The following TNNI3K variants were observed in gnomAD, a reference collection of about 807,000 sequenced individuals.
The protein encoded by TNNI3K is serine/threonine-protein kinase TNNI3K.
In TNNI3K, 140 loss-of-function variants were observed where a neutral mutation model predicts 114.5. The ratio of observed to expected loss-of-function variants is 1.22; its 90% CI spans 1.07 to 1.41. The LOEUF is 1.41. Ranked by LOEUF, TNNI3K falls within the 40% of genes most tolerant of loss-of-function variation. The probability of loss-of-function intolerance (pLI) is 0.00; values close to 1 mark genes in which losing one functional copy is unlikely to be tolerated. For missense variants in TNNI3K, 1,125 were observed against 1,007.6 expected, an observed-to-expected ratio of 1.12 and a Z score of -1.58; for synonymous variants, 347 against 347.5, an observed-to-expected ratio of 1.00 and a Z score of 0.02.
chr1:74,450,576 A>T (rs910030379), intron 20 of TNNI3K, among the ~76,000 whole-genome samples: 1 of 152,200 alleles, frequency 6.6e-6, no homozygotes, highest in East Asian at 1.9e-4. Flanking sequence ...CCCATTAAAA[A>T]GTGGGCAAAG....
intron 11 of TNNI3K, among the ~76,000 whole-genome samples, chr1:74,363,933 C>A (rs1307157902): frequency 7.1e-6 from 1 of 140,606 alleles, no homozygotes; most frequent in African/African-American, 2.6e-5. Context: ...TAAAAAAAAA[C>A]CTTAGAATCT....
At chr1:74,424,419 A>G (rs1450678123) in intron 17 of TNNI3K, among the ~76,000 whole-genome samples, 4 of 152,054 alleles carry the variant, frequency 2.6e-5, no homozygotes, top group Non-Finnish European at 5.9e-5. Flanking sequence ...TATTGATTAT[A>G]AAGAAGAGAG....
chr1:74,512,372 C>G (rs1233576930), intron 23 of TNNI3K, among the ~76,000 whole-genome samples: 1 of 152,194 alleles, frequency 6.6e-6, no homozygotes, highest in Non-Finnish European at 1.5e-5. Context: ...TGGCACTCAA[C>G]TATTCCTGCA....
Position 74,411,157 on chromosome 1 carries a change from A to G in TNNI3K, c.1773-24923A>G, listed in dbSNP as rs77960305. ...CAGCTCCCAGGCTTTTATGATGTCT[A>G]TATACTGTAGATTTTTATATTTGAA... On this transcript the variant is annotated intron_variant, in intron 17 of 24. Transcript: ENST00000326637. Among the ~76,000 whole-genome samples, 1,196 of 152,268 alleles carry G rather than the reference A, an allele frequency of 7.9e-3. 18 individuals carry two copies. Among genetic ancestry groups the G allele is most frequent in the African/African-American group, 0.028 (1,154 of 41,564 alleles).
intron 23 of TNNI3K, among the ~76,000 whole-genome samples, chr1:74,538,109 A>G (rs926062189): frequency 2.0e-5 from 3 of 152,140 alleles, no homozygotes; most frequent in Admixed American, 6.6e-5. Flanking sequence ...ATAAATAGGC[A>G]TATTCAAGCA....
At chr1:74,261,997 C>T (rs980193218) in intron 4 of TNNI3K, among the ~76,000 whole-genome samples, 1 of 152,104 alleles carries the variant, frequency 6.6e-6, no homozygotes, top group African/African-American at 2.4e-5. Context: ...TCAGAAAACT[C>T]TGACTTTTCT....
At chr1:74,440,080 G>A (rs1013922017) in intron 20 of TNNI3K, among the ~76,000 whole-genome samples, 2 of 151,812 alleles carry the variant, frequency 1.3e-5, no homozygotes, top group African/African-American at 4.8e-5. Context: ...TTTTCCTAAC[G>A]TTTTTGTATT....
chr1:74,511,762 C>T (rs1375735532), intron 23 of TNNI3K, among the ~76,000 whole-genome samples: 1 of 151,784 alleles, frequency 6.6e-6, no homozygotes, highest in Non-Finnish European at 1.5e-5. Context: ...GGTAGGCTTC[C>T]CAAAAGCCAT....
chr1:74,481,396 T>C (rs565370173), intron 21 of TNNI3K, among the ~76,000 whole-genome samples: 69 of 152,326 alleles, frequency 4.5e-4, no homozygotes, highest in Non-Finnish European at 9.1e-4. Context: ...CAGTGTTCCA[T>C]AGCAATGTGT....
intron 24 of TNNI3K, among the ~76,000 whole-genome samples, chr1:74,543,484 T>C (rs374937490): frequency 1.1e-3 from 171 of 152,310 alleles, no homozygotes; most frequent in African/African-American, 3.9e-3. Flanking sequence ...ATAAGTGCTA[T>C]TGTTTCTCCC....
At chr1:74,479,888 G>A (rs1668393221) in intron 21 of TNNI3K, among the ~76,000 whole-genome samples, 1 of 152,216 alleles carries the variant, frequency 6.6e-6, no homozygotes, top group Non-Finnish European at 1.5e-5. Context: ...AGGTTAACCT[G>A]TTCAAGGTCA....
intron 11 of TNNI3K, among the ~76,000 whole-genome samples, chr1:74,356,973 A>G (rs1661693428): frequency 1.3e-5 from 2 of 152,226 alleles, no homozygotes; most frequent in South Asian, 4.1e-4. Context: ...AAGCAAGTCA[A>G]ATGACAAATG....
At chr1:74,372,232 T>G (rs1662653666) in intron 17 of TNNI3K, 1 of 151,698 alleles carries the variant, frequency 6.6e-6, no homozygotes, top group African/African-American at 2.4e-5. Context: ...ACACAGCTAG[T>G]CAGGAACAAA....
At chr1:74,242,869 C>T (rs1286509266) in intron 2 of TNNI3K, among the ~76,000 whole-genome samples, 1 of 152,012 alleles carries the variant, frequency 6.6e-6, no homozygotes. Context: ...CTCTCTATCT[C>T]TCCCTATTGT....
intron 2 of TNNI3K, among the ~76,000 whole-genome samples, chr1:74,248,194 G>A (rs979057294): frequency 4.6e-5 from 7 of 152,056 alleles, no homozygotes; most frequent in Admixed American, 1.3e-4. Flanking sequence ...ACCAGCCTGC[G>A]GCGCAGAGTG....
chr1:74,439,553 G>A lies in TNNI3K; in HGVS notation c.1942G>A (p.Val648Ile). ...QCTRYTIKAD[V>I]FSYALCLWEI... ...CACTCGGTACACCATCAAAGCAGAT[G>A]TCTTCAGCTATGCTCTGTGTCTGTG... Residue 648 changes from valine (V) to isoleucine (I), a missense_variant, in exon 20 of 25, where the codon GTC becomes ATC. Val to Ile is a conservative substitution (Grantham distance 29). Transcript: ENST00000326637. 1 of 1,613,566 alleles carries A rather than the reference G, an allele frequency of 6.2e-7. No homozygotes were observed. The highest frequency in any genetic ancestry group is 8.5e-7 in the Non-Finnish European group (1 of 1,179,666).
At chr1:74,345,643 T>C (rs1310028892) in intron 9 of TNNI3K, among the ~76,000 whole-genome samples, 1 of 152,178 alleles carries the variant, frequency 6.6e-6, no homozygotes, top group Admixed American at 6.6e-5. Context: ...TTAGCCATTA[T>C]TTAGTTGGGG....
At chr1:74,255,517 T>C (rs1655230626) in intron 4 of TNNI3K, among the ~76,000 whole-genome samples, 1 of 152,226 alleles carries the variant, frequency 6.6e-6, no homozygotes, top group South Asian at 2.1e-4. Flanking sequence ...TAGAGTAATC[T>C]CTGCTTTCAT....
chr1:74,471,993 G>T (rs566707022), intron 21 of TNNI3K: 15 of 635,198 alleles, frequency 2.4e-5, no homozygotes, highest in African/African-American at 1.8e-4. Flanking sequence ...TTTTTTGTAC[G>T]ATCTTTTGTA....
Sources: allele counts gnomAD v4.1 joint callset (sites outside exome capture counted in the v4.1 genomes callset), GRCh38; gene constraint gnomAD v4.1.1; transcripts MANE v1.5; gene names NCBI Gene and HGNC (gene_info 2026-07-23, HGNC 2026-07-21).